USH2A: variants seen among roughly 807,000 people sequenced by gnomAD.
The protein encoded by USH2A is Usher syndrome 2A (autosomal recessive, mild).
In USH2A, 443 loss-of-function variants were observed where a neutral mutation model predicts 538.9. The ratio of observed to expected loss-of-function variants is 0.82; its 90% CI spans 0.76 to 0.89. The LOEUF (loss-of-function observed/expected upper bound fraction) is 0.89, where lower values mean the gene tolerates loss of function less well. USH2A is among the 40% of genes least tolerant of loss of function. The probability of loss-of-function intolerance (pLI) is 0.00; values close to 1 mark genes in which losing one functional copy is unlikely to be tolerated. For synonymous variants in USH2A, 2,413 were observed against 2,273.5 expected (o/e 1.06, Z -1.75); for missense variants, 6,633 against 6,324.8 (o/e 1.05, Z -1.65).
At chr1:216,412,618 C>T (rs1013701711) in intron 3 of USH2A, among the ~76,000 whole-genome samples, 2 of 151,428 alleles carry the variant, frequency 1.3e-5, no homozygotes, top group African/African-American at 4.8e-5. Context: ...ATATCTGAAG[C>T]ATTGAAAATA....
At chr1:216,023,481 A>C (rs1426374250) in intron 32 of USH2A, among the ~76,000 whole-genome samples, 1 of 147,820 alleles carries the variant, frequency 6.8e-6, no homozygotes, top group Non-Finnish European at 1.5e-5. Context: ...AAAAAAAAAA[A>C]ATCAAAAAAC....
chr1:215,768,118 C>T (rs1237238847), intron 55 of USH2A, among the ~76,000 whole-genome samples: 1 of 152,108 alleles, frequency 6.6e-6, no homozygotes, highest in African/African-American at 2.4e-5. Context: ...TCCTCAAATA[C>T]TACATTTTAA....
At chr1:216,204,852 T>C (rs1331809291) in intron 16 of USH2A, among the ~76,000 whole-genome samples, 1 of 152,322 alleles carries the variant, frequency 6.6e-6, no homozygotes, top group East Asian at 1.9e-4. Context: ...AATTTTCACA[T>C]CATTAATTAC....
chr1:215,677,269 C>T (rs1279066296), intron 62 of USH2A, among the ~76,000 whole-genome samples: 1 of 152,176 alleles, frequency 6.6e-6, no homozygotes, highest in African/African-American at 2.4e-5. Flanking sequence ...TTCCTCCTTC[C>T]CCAAGACTTC....
chr1:216,036,298 C>A (rs1453195353), intron 32 of USH2A, among the ~76,000 whole-genome samples: 1 of 151,684 alleles, frequency 6.6e-6, no homozygotes, highest in East Asian at 1.9e-4. Flanking sequence ...TTCTAATATC[C>A]AAACTGTAGA....
chr1:216,108,061 T>C (rs889507063), intron 21 of USH2A, among the ~76,000 whole-genome samples: 5 of 151,870 alleles, frequency 3.3e-5, no homozygotes, highest in Non-Finnish European at 5.9e-5. Flanking sequence ...TTTCTGTTTA[T>C]TCACATTTTT....
intron 55 of USH2A, among the ~76,000 whole-genome samples, chr1:215,768,999 G>A (rs569422401): frequency 1.3e-5 from 2 of 152,296 alleles, no homozygotes; most frequent in Admixed American, 6.5e-5. Flanking sequence ...ATGAGGCTAC[G>A]ATGTTTATCA....
At chr1:216,203,268 T>C (rs1397543003) in intron 16 of USH2A, among the ~76,000 whole-genome samples, 2 of 151,926 alleles carry the variant, frequency 1.3e-5, no homozygotes, top group African/African-American at 2.4e-5. Flanking sequence ...TACATACATA[T>C]ATATGTGTGT....
intron 3 of USH2A, among the ~76,000 whole-genome samples, chr1:216,396,608 A>C (rs2039218198): frequency 6.6e-6 from 1 of 152,216 alleles, no homozygotes; most frequent in South Asian, 2.1e-4. Flanking sequence ...AACCAGTTAC[A>C]TGTGTTACAA....
intron 13 of USH2A, among the ~76,000 whole-genome samples, chr1:216,245,552 T>C (rs185551739): frequency 1.3e-5 from 2 of 151,222 alleles, no homozygotes. Flanking sequence ...GCATTCTAAT[T>C]CCTGAGTCCT....
chr1:215,788,584 C>T (rs924463792), intron 51 of USH2A, among the ~76,000 whole-genome samples: 3 of 152,020 alleles, frequency 2.0e-5, no homozygotes, highest in Admixed American at 6.6e-5. Flanking sequence ...CAAAAAGAAA[C>T]CATCCTAACT....
chr1:215,943,900 C>T (rs574024715), intron 37 of USH2A, among the ~76,000 whole-genome samples: 88 of 152,170 alleles, frequency 5.8e-4, no homozygotes, highest in South Asian at 2.1e-3. Context: ...TGTTTGCTAC[C>T]AAGAATCACC....
At chr1:215,860,145 A>G (rs1664279071) in intron 44 of USH2A, among the ~76,000 whole-genome samples, 1 of 152,230 alleles carries the variant, frequency 6.6e-6, no homozygotes, top group Non-Finnish European at 1.5e-5. Flanking sequence ...CCAGAAACCA[A>G]GTAAATACTA....
chr1:216,408,015 T>A (rs560250177), intron 3 of USH2A, among the ~76,000 whole-genome samples: 1 of 152,272 alleles, frequency 6.6e-6, no homozygotes, highest in South Asian at 2.1e-4. Flanking sequence ...ATGTCCCATA[T>A]GATATTTGTA....
intron 20 of USH2A, among the ~76,000 whole-genome samples, chr1:216,178,679 C>T (rs183028620): frequency 5.3e-5 from 8 of 152,068 alleles, no homozygotes; most frequent in Admixed American, 5.2e-4. Context: ...TATCCAATAG[C>T]CAAAAACTAC....
At chr1:215,974,509 T>G (rs1667574380) in intron 35 of USH2A, among the ~76,000 whole-genome samples, 1 of 152,152 alleles carries the variant, frequency 6.6e-6, no homozygotes, top group African/African-American at 2.4e-5. Flanking sequence ...TCCCTGCCAT[T>G]AATCCTCAGG....
chr1:216,234,287 A>G (rs1035125967), intron 13 of USH2A, among the ~76,000 whole-genome samples: 2 of 152,136 alleles, frequency 1.3e-5, no homozygotes, highest in Admixed American at 6.6e-5. Flanking sequence ...AATAGAAAAC[A>G]TTGTGCTCAA....
At chr1:216,067,214 G>T (rs1364943185) in intron 30 of USH2A, among the ~76,000 whole-genome samples, 7 of 152,070 alleles carry the variant, frequency 4.6e-5, no homozygotes, top group African/African-American at 1.4e-4. Context: ...TGAACAATGA[G>T]AACACATGGA....
At chr1:216,058,384 T>C (rs1277069391) in intron 30 of USH2A, among the ~76,000 whole-genome samples, 1 of 149,314 alleles carries the variant, frequency 6.7e-6, no homozygotes, top group African/African-American at 2.5e-5. Context: ...TTGGGCTATA[T>C]TTTAGTGTTA....
Sources: allele counts gnomAD v4.1 joint callset (sites outside exome capture counted in the v4.1 genomes callset), GRCh38; gene constraint gnomAD v4.1.1; transcripts MANE v1.5; gene names NCBI Gene and HGNC (gene_info 2026-07-23, HGNC 2026-07-21).